The following TEX11 variants were observed in gnomAD, a reference collection of about 807,000 sequenced individuals.
TEX11 encodes testis-expressed protein 11.
TEX11 carries 7 observed loss-of-function variants against 84.4 expected under a neutral mutation model. The ratio of observed to expected loss-of-function variants is 0.08; its 90% CI spans 0.05 to 0.16. TEX11 has a LOEUF of 0.16. Ranked by LOEUF, TEX11 falls within the 10% of genes least tolerant of loss-of-function variation. The pLI is 1.00. For synonymous variants in TEX11, 264 were observed against 222.8 expected, an observed-to-expected ratio of 1.18 and a Z score of -1.64; for missense variants, 551 against 660.5, an observed-to-expected ratio of 0.83 and a Z score of 1.82.
At chrX:70,667,859 G>A (rs866508217) in intron 16 of TEX11, among the ~76,000 whole-genome samples, 7 of 110,506 alleles carry the variant, frequency 6.3e-5, no homozygotes, top group Admixed American at 9.6e-5. Context: ...CTCAGGAGGC[G>A]GAGGTTGCAG....
chrX:70,827,702 G>T (rs183733561), intron 8 of TEX11, among the ~76,000 whole-genome samples: 66 of 112,093 alleles, frequency 5.9e-4, no homozygotes, highest in African/African-American at 1.7e-3. Context: ...TGATTTGAGT[G>T]CCAGCTTAAC....
chrX:70,560,175 A>G (rs2088346892), intron 25 of TEX11, among the ~76,000 whole-genome samples: 1 of 103,315 alleles, frequency 9.7e-6, no homozygotes, highest in Non-Finnish European at 2.0e-5. Context: ...TTTGAGATGG[A>G]TTTTCACTCT....
downstream of TEX11, among the ~76,000 whole-genome samples, chrX:70,527,525 T>C (rs1413005743): frequency 9.8e-5 from 11 of 112,073 alleles, no homozygotes; most frequent in Non-Finnish European, 1.3e-4. Flanking sequence ...TAAGGAAAGA[T>C]TGAGGAATCA....
intron 28 of TEX11, among the ~76,000 whole-genome samples, chrX:70,541,242 T>C (rs1443726849): frequency 9.0e-6 from 1 of 111,592 alleles, no homozygotes; most frequent in Admixed American, 9.6e-5. Flanking sequence ...TCAAAAGCTA[T>C]ATACTGTTTG....
chrX:70,732,511 TCAAA>T (rs1284038361), intron 11 of TEX11, among the ~76,000 whole-genome samples: 1 of 110,800 alleles, frequency 9.0e-6, no homozygotes, highest in South Asian at 3.8e-4. Flanking sequence ...CCAAAAACAG[TCAAA>T]CAGAGAGCCA....
At chrX:70,515,064 G>GACAC in the TEX11 span, among the ~76,000 whole-genome samples, 1 of 45,130 alleles carries the variant, frequency 2.2e-5, no homozygotes, top group Non-Finnish European at 4.9e-5. Flanking sequence ...GTGAAACTCG[G>GACAC]TCACACACAC....
intron 9 of TEX11, among the ~76,000 whole-genome samples, chrX:70,767,512 C>G (rs1045961264): frequency 2.6e-4 from 29 of 111,586 alleles, no homozygotes; most frequent in African/African-American, 7.5e-4. Flanking sequence ...GGAACCCTTG[C>G]ACAATGTTGG....
At chrX:70,638,519 AC>A (rs1353743624) in intron 17 of TEX11, among the ~76,000 whole-genome samples, 1 of 111,231 alleles carries the variant, frequency 9.0e-6, no homozygotes, top group African/African-American at 3.3e-5. Context: ...AAACAAAATC[AC>A]CAGGTATGGT....
chrX:70,775,286 A>G (rs1044009717), intron 9 of TEX11, among the ~76,000 whole-genome samples: 1 of 111,661 alleles, frequency 9.0e-6, no homozygotes, highest in Non-Finnish European at 1.9e-5. Context: ...CTAGGCAAAG[A>G]TGATATGGCT....
At chrX:70,874,079 A>T (rs1232571860) in intron 3 of TEX11, among the ~76,000 whole-genome samples, 1 of 109,031 alleles carries the variant, frequency 9.2e-6, no homozygotes, top group African/African-American at 3.4e-5. Flanking sequence ...AGAGCCTGGT[A>T]CCTCCTCCTT....
chrX:70,786,228 C>A (rs752195275), intron 9 of TEX11, among the ~76,000 whole-genome samples: 1 of 111,179 alleles, frequency 9.0e-6, no homozygotes, highest in South Asian at 3.8e-4. Flanking sequence ...GACAGAAAAC[C>A]AAACACCACA....
At chrX:70,528,467 G>A (rs1435532749), downstream of TEX11, among the ~76,000 whole-genome samples, 3 of 106,338 alleles carry the variant, frequency 2.8e-5, no homozygotes, top group Admixed American at 1.0e-4. Context: ...ACAGGCACGC[G>A]CCACCATGCC....
chrX:70,908,457 G>T (rs959228414), intron 1 of TEX11, among the ~76,000 whole-genome samples, 197 bp downstream of exon 1: 3 of 111,907 alleles, frequency 2.7e-5, no homozygotes, highest in Non-Finnish European at 5.6e-5. Context: ...CTCAATCCTC[G>T]TCCAAAAACA....
intron 7 of TEX11, among the ~76,000 whole-genome samples, chrX:70,844,801 G>A (rs1294786545): frequency 1.8e-5 from 2 of 109,621 alleles, no homozygotes; most frequent in Non-Finnish European, 3.8e-5. Context: ...CAGCAGTGGT[G>A]GTGTGCGCCT....
rs181594918 is a variant in TEX11, at chrX:70,879,772, C to T, written c.159+216G>A. Reference sequence around the variant, plus strand: ...TAAATATTAATAATAAATAACATTGCTAATAAATAAATAAATAATAAATAT... The same window carrying T: ...TAAATATTAATAATAAATAACATTGTTAATAAATAAATAAATAATAAATAT... On this transcript the variant is annotated intron_variant, in intron 3 of 29. Transcript: ENST00000374333. Among the ~76,000 whole-genome samples, 19 of 111,089 alleles carry T rather than the reference C, an allele frequency of 1.7e-4. No individual in the cohort carries two copies. In the East Asian group the frequency reaches 4.5e-3, roughly 26 times the overall value.
intron 14 of TEX11, among the ~76,000 whole-genome samples, chrX:70,679,696 T>C (rs1246142355): frequency 9.5e-6 from 1 of 105,645 alleles, no homozygotes; most frequent in Non-Finnish European, 2.0e-5. Context: ...GTGAGGAGCG[T>C]CTCTGCCCGG....
intron 25 of TEX11, among the ~76,000 whole-genome samples, chrX:70,561,546 C>A (rs992749523): frequency 9.3e-6 from 1 of 107,480 alleles, no homozygotes; most frequent in African/African-American, 3.4e-5. Context: ...TGCCACCATG[C>A]CCAGCTGATT....
At chrX:70,778,909 C>A (rs1010075966) in intron 9 of TEX11, among the ~76,000 whole-genome samples, 1 of 110,780 alleles carries the variant, frequency 9.0e-6, no homozygotes, top group South Asian at 3.8e-4. Context: ...CAATGAATAA[C>A]TTAAAAGGGA....
In TEX11 at chrX:70,624,247, C is replaced by T. The variant is rs1233954358; in HGVS notation, c.1695-241G>A. On this transcript the variant is annotated intron_variant, in intron 19 of 29. Coordinates refer to ENST00000374333, the MANE Select transcript of TEX11 (RefSeq NM_031276.3). ...TAATAAAAGAGTTTTAAAACAAAAG[C>T]GTTGCTTATAACAAATTCTTAAATG... 1.2e-4 allele frequency among the ~76,000 whole-genome samples: 13 copies of T among 111,678 alleles called. 1 individual carries two copies. The highest frequency in any genetic ancestry group is 2.5e-4 in the Non-Finnish European group (13 of 53,009).
Sources: gnomAD v4.1 joint callset for allele counts (sites outside exome capture counted in the v4.1 genomes callset) on GRCh38, gnomAD v4.1.1 for gene constraint, MANE v1.5 for transcripts, NCBI Gene and HGNC (gene_info 2026-07-23, HGNC 2026-07-21) for gene names.